Variants in ATG16L1 observed in about 807,000 individuals in gnomAD.
ATG16L1 encodes autophagy related 16 like 1.
Under a neutral mutation model 88.5 loss-of-function variants are expected in ATG16L1, and 37 were observed. That is an observed-to-expected ratio of 0.42 (90% CI 0.32 to 0.55). The LOEUF (loss-of-function observed/expected upper bound fraction) is 0.55. ATG16L1 is among the 20% of genes least tolerant of loss of function. The pLI is 0.13. For synonymous variants in ATG16L1, 301 were observed against 281.0 expected (o/e 1.07, Z -0.71); for missense variants, 554 against 752.8 (o/e 0.74, Z 3.09).
intron 16 of ATG16L1, among the ~76,000 whole-genome samples, chr2:233,292,919 G>A (rs1699561956): frequency 6.6e-6 from 1 of 152,162 alleles, no homozygotes; most frequent in Admixed American, 6.5e-5. Context: ...CTCTCTTTGA[G>A]GCATGTAACA....
At chr2:233,266,110 C>G (rs1157499023) in intron 5 of ATG16L1, 1 of 152,130 alleles carries the variant, frequency 6.6e-6, no homozygotes, top group Non-Finnish European at 1.5e-5. Flanking sequence ...CACCTAGAAA[C>G]CTAAGAAAAT....
chr2:233,259,278 G>A (rs889802914), intron 2 of ATG16L1, among the ~76,000 whole-genome samples: 4 of 152,176 alleles, frequency 2.6e-5, no homozygotes, highest in African/African-American at 4.8e-5. Context: ...TAGCTTTGTG[G>A]TTCCTCATAG....
In ATG16L1 at chr2:233,287,599, C is replaced by T. The variant is rs114173755; in HGVS notation, c.1204-2255C>T. 5.3e-3 allele frequency among the ~76,000 whole-genome samples: 812 copies of T among 152,238 alleles called. 5 individuals are homozygous for T. The highest frequency in any genetic ancestry group is 0.019 in the African/African-American group (776 of 41,548). Reference sequence around the variant, plus strand: ...AGTTATTCAGAATTTAATGTAAGGCCGGGCACAGTGGTTCATGCCTGTAAT... The same window carrying T: ...AGTTATTCAGAATTTAATGTAAGGCTGGGCACAGTGGTTCATGCCTGTAAT... On this transcript the variant is annotated intron_variant, in intron 12 of 17. Coordinates refer to ENST00000392017, the MANE Select transcript of ATG16L1 (RefSeq NM_030803.7).
chr2:233,273,325 A>T (rs1574869836), intron 7 of ATG16L1: 1 of 507,684 alleles, frequency 2.0e-6, no homozygotes, highest in East Asian at 3.3e-5. Context: ...CTTATTAAGC[A>T]GAATGATTGT....
intron 1 of ATG16L1, among the ~76,000 whole-genome samples, chr2:233,253,033 C>T (rs1397895987): frequency 6.6e-6 from 1 of 152,188 alleles, no homozygotes; most frequent in Non-Finnish European, 1.5e-5. Context: ...AAGCCACACC[C>T]CAGACCAACT....
At chr2:233,282,531 C>A in intron 11 of ATG16L1, 151 bp from the exon 12 acceptor site, 3 of 655,910 alleles carry the variant, frequency 4.6e-6, no homozygotes, top group Non-Finnish European at 8.1e-6. Flanking sequence ...CGAGTTGAAG[C>A]ACACTCACGA....
chr2:233,268,482 A>G (rs964477748), intron 5 of ATG16L1, among the ~76,000 whole-genome samples: 5 of 152,174 alleles, frequency 3.3e-5, no homozygotes, highest in African/African-American at 1.2e-4. Context: ...CTTTCCTTTC[A>G]GCTATAGTGA....
intron 5 of ATG16L1, among the ~76,000 whole-genome samples, chr2:233,267,177 C>T (rs1038328015): frequency 6.6e-6 from 1 of 152,184 alleles, no homozygotes; most frequent in South Asian, 2.1e-4. Flanking sequence ...GGTGAAACCC[C>T]GTCTCTAATA....
At chr2:233,283,808 A>G (rs550016123) in intron 12 of ATG16L1, among the ~76,000 whole-genome samples, 1 of 152,162 alleles carries the variant, frequency 6.6e-6, no homozygotes, top group African/African-American at 2.4e-5. Flanking sequence ...AAGTGCTGGG[A>G]TTACAGGCGT....
At chr2:233,284,123 C>G (rs1324635785) in intron 12 of ATG16L1, among the ~76,000 whole-genome samples, 1 of 150,996 alleles carries the variant, frequency 6.6e-6, no homozygotes, top group African/African-American at 2.4e-5. Context: ...GGATTACAGG[C>G]GTGAGCCACC....
intron 2 of ATG16L1, among the ~76,000 whole-genome samples, chr2:233,260,399 TTAGCTGATTG>T (rs1697123627): frequency 6.6e-6 from 1 of 152,194 alleles, no homozygotes. Context: ...CAGAAATGCT[TTAGCTGATTG>T]TAGTGACCTC....
intron 5 of ATG16L1, among the ~76,000 whole-genome samples, chr2:233,268,096 C>G (rs557245042): frequency 2.0e-5 from 3 of 152,208 alleles, no homozygotes; most frequent in Non-Finnish European, 4.4e-5. Flanking sequence ...GATAGCTCTT[C>G]ACACTCTGCC....
At chr2:233,273,873 A>T in intron 8 of ATG16L1, 96 bp downstream of exon 8, 1 of 1,506,020 alleles carries the variant, frequency 6.6e-7, no homozygotes, top group Non-Finnish European at 9.2e-7. Context: ...ACCAGGTGTC[A>T]GTGATGCAGA....
At chr2:233,252,391 C>CG (rs774178951) in intron 1 of ATG16L1, among the ~76,000 whole-genome samples, 1 of 151,486 alleles carries the variant, frequency 6.6e-6, no homozygotes, top group African/African-American at 2.4e-5. Flanking sequence ...TGCGGGGAAA[C>CG]GGGATAGGGG....
rs111815257 is a variant in ATG16L1 at position 233,291,614 on chromosome 2, A to G, written c.1431-514A>G. ...ACCCTGGACATGGGCCACAGCACAG[A>G]GAAGAAGAGGGAGGTGCGTAGGGCC... is the stretch of plus-strand genomic sequence containing the variant. On this transcript the variant is annotated intron_variant, in intron 14 of 17. Transcript: ENST00000392017. Among the ~76,000 whole-genome samples the G allele has an allele frequency of 7.2e-4, 110 of 152,196 alleles. 1 individual carries two copies. Among genetic ancestry groups the G allele is most frequent in the Middle Eastern group, 6.8e-3 (2 of 294 alleles).
chr2:233,262,423 C>T (rs1315336551), intron 2 of ATG16L1, among the ~76,000 whole-genome samples: 1 of 152,180 alleles, frequency 6.6e-6, no homozygotes. Flanking sequence ...CCTCACAGCC[C>T]TCGGAGGTGC....
chr2:233,281,893 G>T lies in ATG16L1; in HGVS notation c.1131+718G>T, dbSNP rs1220083011. Among the ~76,000 whole-genome samples, 3 of 152,194 alleles carry T rather than the reference G, an allele frequency of 2.0e-5. 1 individual carries two copies. Among genetic ancestry groups the T allele is most frequent in the Admixed American group, 6.5e-5 (1 of 15,276 alleles). On this transcript the variant is annotated intron_variant, in intron 11 of 17. Transcript: ENST00000392017. ...GTGCAAACCTATTCTATGGCACGGT[G>T]GTGGTCTATATCTGTTTCTTTTACT...
intron 17 of ATG16L1, among the ~76,000 whole-genome samples, chr2:233,293,937 C>T (rs1005518251): frequency 2.0e-5 from 3 of 152,198 alleles, no homozygotes; most frequent in South Asian, 2.1e-4. Context: ...CACCACTGCC[C>T]GGCTCTTCAG....
intron 1 of ATG16L1, among the ~76,000 whole-genome samples, chr2:233,253,579 C>T (rs184436849): frequency 5.9e-5 from 9 of 152,200 alleles, no homozygotes; most frequent in Admixed American, 5.2e-4. Context: ...CTTCTGACCT[C>T]AGGTGATGTA....
Sources: gnomAD v4.1 joint callset for allele counts (sites outside exome capture counted in the v4.1 genomes callset) on GRCh38, gnomAD v4.1.1 for gene constraint, MANE v1.5 for transcripts, NCBI Gene and HGNC (gene_info 2026-07-23, HGNC 2026-07-21) for gene names.